Variants in P2RY2 observed in about 807,000 individuals in gnomAD.
P2RY2 encodes P2Y purinoceptor 2.
For missense variants in P2RY2, 567 were observed against 515.7 expected (o/e 1.10, Z -0.96); for synonymous variants, 241 against 231.9 (o/e 1.04, Z -0.35).
chr11:73,225,672 A>T (rs1309672511), intron 1 of P2RY2, among the ~76,000 whole-genome samples: 1 of 94,596 alleles, frequency 1.1e-5, no homozygotes, highest in Non-Finnish European at 2.3e-5. Flanking sequence ...CTAATTCAGG[A>T]TTCAACGAGA....
chr11:73,237,507 C>T lies in P2RY2; in HGVS notation c.*2214C>T, dbSNP rs1451419589. 6.6e-6 allele frequency among the ~76,000 whole-genome samples: 1 copy of T among 152,194 alleles called. No individual in the cohort carries two copies. The highest frequency in any genetic ancestry group is 1.5e-5 in the Non-Finnish European group (1 of 68,030). On this transcript the variant is annotated 3_prime_UTR_variant, in exon 3 of 3. Coordinates refer to ENST00000393597, the MANE Select transcript of P2RY2 (RefSeq NM_002564.4). Reference sequence around the variant, plus strand: ...AAGTGATCCACCTGCCTCAGCCTCCCAAAGTGCTGGGATTACAGGTATGAG... The same window carrying T: ...AAGTGATCCACCTGCCTCAGCCTCCTAAAGTGCTGGGATTACAGGTATGAG...
intron 1 of P2RY2, among the ~76,000 whole-genome samples, chr11:73,223,963 C>T (rs2135631737): frequency 6.6e-6 from 1 of 152,308 alleles, no homozygotes; most frequent in African/African-American, 2.4e-5. Context: ...CACTCTGATG[C>T]TGCTCTGAGC....
At chr11:73,233,214 G>T (rs1043126788) in intron 2 of P2RY2, among the ~76,000 whole-genome samples, 1 of 152,210 alleles carries the variant, frequency 6.6e-6, no homozygotes, top group African/African-American at 2.4e-5. Context: ...GGGATTCCCT[G>T]GTAGCCTCAC....
intron 1 of P2RY2, among the ~76,000 whole-genome samples, chr11:73,221,377 C>T (rs956778954): frequency 6.6e-6 from 1 of 152,214 alleles, no homozygotes; most frequent in African/African-American, 2.4e-5. Context: ...CCTGGGGCTC[C>T]AGTCCACCTG....
chr11:73,235,005 C>G lies in P2RY2; in HGVS notation c.846C>G (p.Asn282Lys), dbSNP rs771287874. The change falls in exon 3 of 3, where the codon AAC (asparagine) becomes AAG (lysine). Residue 282 changes from asparagine (N) to lysine (K), a missense_variant. Transcript: ENST00000393597. ...TGGACCTCAGCTGCCACACCCTCAA[C>G]GCCATCAACATGGCCTACAAGGTTA... ...RSLDLSCHTL[N>K]AINMAYKVTR... is the part of the protein sequence containing the mutation. 5 of 1,609,088 alleles carry G rather than the reference C, an allele frequency of 3.1e-6. No homozygotes were observed. Among genetic ancestry groups the G allele is most frequent in the Non-Finnish European group, 3.4e-6 (4 of 1,179,960 alleles).
rs181633103 is a variant in P2RY2 at position 73,241,899 on chromosome 11, A to G, written c.*6606A>G. ...CAAAATGACCTGATTAGAGTGTGCA[A>G]CGTCTTTCCTGCTGGGACTCTGACT... On this transcript the variant is annotated 3_prime_UTR_variant, in exon 3 of 3. Transcript: ENST00000393597. The G allele has an allele frequency of 3.3e-5, 5 of 152,418 alleles. No homozygotes were observed. In the East Asian group the frequency reaches 9.7e-4, roughly 29 times the overall value. 9.4% of individuals were successfully genotyped at this position (152,418 alleles called of 1,614,324 possible). A position where few individuals can be genotyped will look rare whatever the true frequency, so the allele number is the denominator to read the frequency against.
intron 2 of P2RY2, among the ~76,000 whole-genome samples, chr11:73,228,926 T>G (rs1307870434): frequency 6.6e-6 from 1 of 152,170 alleles, no homozygotes; most frequent in Non-Finnish European, 1.5e-5. Context: ...TATGGGAGTG[T>G]GCAGAGGCTG....
rs1235444928 is a variant in P2RY2 at position 73,242,289 on chromosome 11, A to C, written c.*6996A>C. ...TAGACCTGCCTTTGTGACCAAAGCA[A>C]TTGTAAAACGTGGGGGAGGAAATTA... is the stretch of plus-strand genomic sequence containing the variant. On this transcript the variant is annotated 3_prime_UTR_variant, in exon 3 of 3. Coordinates refer to ENST00000393597, the MANE Select transcript of P2RY2 (RefSeq NM_002564.4). 1 of 152,198 alleles carries C rather than the reference A, an allele frequency of 6.6e-6. No individual in the cohort carries two copies. Among genetic ancestry groups the C allele is most frequent in the Non-Finnish European group, 1.5e-5 (1 of 68,036 alleles). 9.4% of individuals were successfully genotyped at this position (152,198 alleles called of 1,614,324 possible).
In P2RY2 at chr11:73,237,093, A is replaced by G; in HGVS notation, c.*1800A>G. On this transcript the variant is annotated 3_prime_UTR_variant, in exon 3 of 3. Transcript: ENST00000393597. Reference sequence around the variant, plus strand: ...TGCTGTATTTGGAGCCTGACTCCACAGCGCCCTCATGTGACAGAGACCCAT... The same window carrying G: ...TGCTGTATTTGGAGCCTGACTCCACGGCGCCCTCATGTGACAGAGACCCAT... The G allele has an allele frequency of 1.3e-5, 13 of 985,342 alleles. No homozygotes were observed. The highest frequency in any genetic ancestry group is 1.6e-5 in the Non-Finnish European group (13 of 829,896). 61.0% of individuals were successfully genotyped at this position (985,342 alleles called of 1,614,324 possible).
At position 73,234,946 on chromosome 11, in the gene P2RY2, G is replaced by C. The variant is rs771362159; in HGVS notation, c.787G>C (p.Val263Leu). The C allele has an allele frequency of 6.2e-6, 10 of 1,610,730 alleles. No individual in the cohort carries two copies. Among genetic ancestry groups the C allele is most frequent in the Non-Finnish European group, 6.8e-6 (8 of 1,180,006 alleles). ...CGCCCTCTGCTTCCTGCCATTCCACGTCACCCGCACCCTCTACTACTCCTT... is the reference window on the plus strand; with the variant it reads ...CGCCCTCTGCTTCCTGCCATTCCACCTCACCCGCACCCTCTACTACTCCTT... ...VFALCFLPFH[V>L]TRTLYYSFRS... Residue 263 changes from valine to leucine, a missense_variant, in exon 3 of 3, where the codon GTC (valine) becomes CTC (leucine). Coordinates refer to ENST00000393597, the MANE Select transcript of P2RY2 (RefSeq NM_002564.4).
rs1263574195 is a variant in P2RY2 at position 73,237,249 on chromosome 11, T to A, written c.*1956T>A. 2.3e-6 allele frequency: 1 copy of A among 434,524 alleles called. No individual in the cohort carries two copies. Among genetic ancestry groups the A allele is most frequent in the Non-Finnish European group, 3.1e-6 (1 of 327,340 alleles). 26.9% of individuals were successfully genotyped at this position (434,524 alleles called of 1,614,324 possible). A position where few individuals can be genotyped will look rare whatever the true frequency, so the allele number is the denominator to read the frequency against. ...TAATGTAGCCGATGTCCTTCTGAGTTTTTTTTTTCTTTTTGAGACGAAGTC... is the reference window on the plus strand; with the variant it reads ...TAATGTAGCCGATGTCCTTCTGAGTATTTTTTTTCTTTTTGAGACGAAGTC... On this transcript the variant is annotated 3_prime_UTR_variant, in exon 3 of 3. Transcript: ENST00000393597.
chr11:73,236,500 A>T lies in P2RY2; in HGVS notation c.*1207A>T. 6.3e-6 allele frequency: 6 copies of T among 951,918 alleles called. No homozygotes were observed. The highest frequency in any genetic ancestry group is 7.5e-6 in the Non-Finnish European group (6 of 799,108). 59.0% of individuals were successfully genotyped at this position (951,918 alleles called of 1,614,324 possible). A position where few individuals can be genotyped will look rare whatever the true frequency, so the allele number is the denominator to read the frequency against. ...GACTCCTGAGCTGTAGCTTCTGAGA[A>T]AAGCAGCTCACCGGAAGAACATCCA... On this transcript the variant is annotated 3_prime_UTR_variant, in exon 3 of 3. Coordinates refer to ENST00000393597, the MANE Select transcript of P2RY2 (RefSeq NM_002564.4).
chr11:73,235,397 A>C lies in P2RY2; in HGVS notation c.*104A>C. 1 of 1,484,340 alleles carries C rather than the reference A, an allele frequency of 6.7e-7. No homozygotes were observed. The highest frequency in any genetic ancestry group is 8.9e-7 in the Non-Finnish European group (1 of 1,117,460). 91.9% of individuals were successfully genotyped at this position (1,484,340 alleles called of 1,614,324 possible). On this transcript the variant is annotated 3_prime_UTR_variant, in exon 3 of 3. Transcript: ENST00000393597. ...CCCAGATATGGACCATCAGTGACTC[A>C]TGCTGGATGACCCCATGCTCCGTCA... is the stretch of plus-strand genomic sequence containing the variant.
chr11:73,222,810 T>C, intron 1 of P2RY2, among the ~76,000 whole-genome samples: 1 of 152,210 alleles, frequency 6.6e-6, no homozygotes, highest in Non-Finnish European at 1.5e-5. Flanking sequence ...GTGTGCTCCA[T>C]AACCCCTGGG....
intron 2 of P2RY2, among the ~76,000 whole-genome samples, chr11:73,229,516 C>T (rs72968184): frequency 0.022 from 3,397 of 152,128 alleles, 54 homozygotes; most frequent in Middle Eastern, 0.034. Context: ...CAGGGGCTGT[C>T]CCTCTAAGGC....
rs761422964 is a variant in P2RY2 at position 73,234,254 on chromosome 11, A to G, written c.95A>G (p.Lys32Arg). ...GYRCRFNEDF[K>R]YVLLPVSYGV... ...AGGTGCCGCTTCAACGAGGACTTCAAGTACGTGCTGCTGCCTGTGTCCTAC... is the reference window on the plus strand; with the variant it reads ...AGGTGCCGCTTCAACGAGGACTTCAGGTACGTGCTGCTGCCTGTGTCCTAC... Residue 32 changes from lysine (K) to arginine (R), a missense_variant, in exon 3 of 3, where the codon AAG becomes AGG. Physicochemically the swap from Lys to Arg is conservative, Grantham distance 26. Transcript: ENST00000393597. The G allele has an allele frequency of 6.2e-7, 1 of 1,614,198 alleles. No individual in the cohort carries two copies. Among genetic ancestry groups the G allele is most frequent in the Admixed American group, 1.7e-5 (1 of 60,024 alleles).
chr11:73,218,680 T>C (rs1466717915), intron 1 of P2RY2: 1 of 152,212 alleles, frequency 6.6e-6, no homozygotes, highest in Admixed American at 6.5e-5. Flanking sequence ...GGCGCCCCAG[T>C]AGTGAGGCTG....
intron 1 of P2RY2, among the ~76,000 whole-genome samples, chr11:73,222,538 T>C (rs1862150045): frequency 6.6e-6 from 1 of 152,126 alleles, no homozygotes; most frequent in African/African-American, 2.4e-5. Context: ...CATTTGAGCC[T>C]TTTCAAGTGA....
chr11:73,222,093 C>T (rs911577289), intron 1 of P2RY2, among the ~76,000 whole-genome samples: 6 of 152,108 alleles, frequency 3.9e-5, no homozygotes, highest in African/African-American at 7.2e-5. Flanking sequence ...ACTCCTTGAC[C>T]CTCTGCCCTG....
Sources: gnomAD v4.1 joint callset for allele counts (sites outside exome capture counted in the v4.1 genomes callset) on GRCh38, gnomAD v4.1.1 for gene constraint, MANE v1.5 for transcripts, NCBI Gene and HGNC (gene_info 2026-07-23, HGNC 2026-07-21) for gene names.